Variants in SLC14A2 observed in about 807,000 individuals in gnomAD.
The protein encoded by SLC14A2 is solute carrier family 14 member 2, also known as urea transporter 2.
SLC14A2 carries 91 observed loss-of-function variants against 104.6 expected under a neutral mutation model. The observed-to-expected ratio is 0.87, with a 90% CI of 0.73 to 1.04. The LOEUF is 1.04. Among genes scored for constraint, SLC14A2 ranks in the 50% least tolerant of loss-of-function variants. The pLI is 0.00. For synonymous variants in SLC14A2, 476 were observed against 466.4 expected (o/e 1.02, Z -0.27); for missense variants, 1,189 against 1,156.0 (o/e 1.03, Z -0.41).
chr18:45,665,705 TTTTTTTTTTTTG>T, intron 11 of SLC14A2, among the ~76,000 whole-genome samples: 1 of 142,078 alleles, frequency 7.0e-6, no homozygotes, highest in South Asian at 2.4e-4. Flanking sequence ...TTTTTTTTTT[TTTTTTTTTTTTG>T]TTCACCTTCA....
intron 1 of SLC14A2, among the ~76,000 whole-genome samples, chr18:45,416,267 T>TG (rs2086276353): frequency 6.9e-6 from 1 of 143,926 alleles, no homozygotes; most frequent in Non-Finnish European, 1.6e-5. Flanking sequence ...TTTTTTTTTT[T>TG]GCATACACAG....
chr18:45,612,543 C>G (rs1007600927), upstream of SLC14A2, among the ~76,000 whole-genome samples: 1 of 152,216 alleles, frequency 6.6e-6, no homozygotes, highest in Admixed American at 6.5e-5. Context: ...AGGCACTGCA[C>G]TAAGCAACTT....
the SLC14A2 span, among the ~76,000 whole-genome samples, chr18:45,204,810 TAA>T: frequency 0.16 from 21,844 of 138,110 alleles, 2,086 homozygotes; most frequent in African/African-American, 0.3. Flanking sequence ...ATCACTGAGA[TAA>T]AAAAAAAAAA....
the SLC14A2 span, among the ~76,000 whole-genome samples, chr18:45,193,036 G>T: frequency 6.6e-6 from 1 of 151,966 alleles, no homozygotes; most frequent in Non-Finnish European, 1.5e-5. Context: ...TAAACCTTTT[G>T]TCTTCTTTGG....
At chr18:45,171,234 G>T in the SLC14A2 span, among the ~76,000 whole-genome samples, 1 of 152,008 alleles carries the variant, frequency 6.6e-6, no homozygotes, top group Non-Finnish European at 1.5e-5. Flanking sequence ...AATGTAAGTG[G>T]GTGTCCTGCA....
At chr18:45,555,797 T>C (rs1371757278) in intron 2 of SLC14A2, among the ~76,000 whole-genome samples, 1 of 152,144 alleles carries the variant, frequency 6.6e-6, no homozygotes, top group Non-Finnish European at 1.5e-5. Flanking sequence ...CTGGGTAACA[T>C]TAAAGAAACA....
the SLC14A2 span, among the ~76,000 whole-genome samples, chr18:45,183,636 T>C: frequency 4.5e-5 from 6 of 132,988 alleles, no homozygotes; most frequent in Non-Finnish European, 1.0e-4. Flanking sequence ...TTTCTTTCCT[T>C]TCTTTTCCTT....
At chr18:45,591,879 A>G (rs1036963112) in intron 2 of SLC14A2, among the ~76,000 whole-genome samples, 1 of 152,244 alleles carries the variant, frequency 6.6e-6, no homozygotes, top group Non-Finnish European at 1.5e-5. Flanking sequence ...ACCCATCAGT[A>G]GAGCCACTAG....
At chr18:45,256,910 G>C (rs555745755) in intron 1 of SLC14A2, among the ~76,000 whole-genome samples, 3 of 152,380 alleles carry the variant, frequency 2.0e-5, no homozygotes, top group South Asian at 2.1e-4. Context: ...ATGTCCCTTA[G>C]GCTGGGGCTC....
chr18:45,574,114 G>A (rs533992551), intron 2 of SLC14A2, among the ~76,000 whole-genome samples: 9 of 152,304 alleles, frequency 5.9e-5, no homozygotes, highest in South Asian at 2.1e-4. Flanking sequence ...AGAGAAGAGC[G>A]AATGGTATTT....
chr18:45,350,098 T>G (rs1468735822), intron 1 of SLC14A2, among the ~76,000 whole-genome samples: 1 of 152,222 alleles, frequency 6.6e-6, no homozygotes, highest in Admixed American at 6.5e-5. Flanking sequence ...ACACAGACCC[T>G]TGAGCATGGT....
chr18:45,450,946 G>A (rs975751591), intron 1 of SLC14A2, among the ~76,000 whole-genome samples: 4 of 152,170 alleles, frequency 2.6e-5, no homozygotes, highest in Non-Finnish European at 5.9e-5. Context: ...GGGAAGCTCT[G>A]GGAAATGGTG....
chr18:45,285,558 C>G (rs978621794), intron 1 of SLC14A2, among the ~76,000 whole-genome samples: 17 of 151,994 alleles, frequency 1.1e-4, no homozygotes, highest in African/African-American at 3.9e-4. Context: ...GCTGGGATTA[C>G]AGGCACGCGT....
At chr18:45,438,909 C>A (rs2086639399) in intron 1 of SLC14A2, among the ~76,000 whole-genome samples, 1 of 152,124 alleles carries the variant, frequency 6.6e-6, no homozygotes, top group Admixed American at 6.5e-5. Flanking sequence ...TTAATTTTCC[C>A]AGTGATTCTC....
chr18:45,592,578 C>T (rs1189821609), intron 2 of SLC14A2, among the ~76,000 whole-genome samples: 2 of 152,244 alleles, frequency 1.3e-5, no homozygotes, highest in East Asian at 3.8e-4. Flanking sequence ...GTCCCCAGAG[C>T]TCTGCTTCAC....
At chr18:45,196,465 A>G in the SLC14A2 span, among the ~76,000 whole-genome samples, 15 of 152,364 alleles carry the variant, frequency 9.8e-5, no homozygotes, top group East Asian at 2.7e-3. Flanking sequence ...GAAGTGGCCA[A>G]AGAAATTATG....
chr18:45,355,835 A>G (rs1321385408), intron 1 of SLC14A2, among the ~76,000 whole-genome samples: 3 of 152,176 alleles, frequency 2.0e-5, no homozygotes, highest in Admixed American at 6.5e-5. Flanking sequence ...CTGAGCGGAC[A>G]GTCAAGGCAG....
rs79169837 is a variant in SLC14A2, at chr18:45,493,732, T to C, written c.-35+10410T>C. On this transcript the variant is annotated intron_variant, in intron 2 of 20. Coordinates refer to the SLC14A2 transcript ENST00000586448. ...TCTATGATTTGCTTTATACTAGTTT[T>C]TTAGTTATGGATTCTGGACATGTTT... Among the ~76,000 whole-genome samples the C allele has an allele frequency of 4.2e-3, 645 of 152,384 alleles. 2 individuals carry two copies. The highest frequency in any genetic ancestry group is 0.011 in the South Asian group (51 of 4,830).
chr18:45,200,313 A>T, the SLC14A2 span, among the ~76,000 whole-genome samples: 2 of 152,156 alleles, frequency 1.3e-5, no homozygotes, highest in Admixed American at 1.3e-4. Context: ...TCTCTGCCTT[A>T]AATACATTCA....
Sources: allele counts gnomAD v4.1 joint callset (sites outside exome capture counted in the v4.1 genomes callset), GRCh38; gene constraint gnomAD v4.1.1; transcripts MANE v1.5; gene names NCBI Gene and HGNC (gene_info 2026-07-23, HGNC 2026-07-21).